The following LTA4H variants were observed in gnomAD, a reference collection of about 807,000 sequenced individuals.
LTA4H encodes the protein leukotriene A4 hydrolase.
LTA4H carries 59 observed loss-of-function variants against 89.8 expected under a neutral mutation model. That is an observed-to-expected ratio of 0.66 (90% CI 0.53 to 0.82). The LOEUF is 0.82. Ranked by LOEUF, LTA4H falls within the 40% of genes least tolerant of loss-of-function variation. The probability of loss-of-function intolerance (pLI) is 0.00; values close to 1 mark genes in which losing one functional copy is unlikely to be tolerated. For synonymous variants in LTA4H, 227 were observed against 253.1 expected (o/e 0.90, Z 0.98); for missense variants, 617 against 727.0 (o/e 0.85, Z 1.74).
At chr12:96,037,702 T>TC (rs1950660721), upstream of LTA4H, among the ~76,000 whole-genome samples, 1 of 150,212 alleles carries the variant, frequency 6.7e-6, no homozygotes, top group African/African-American at 2.4e-5. Context: ...CTTTTTTTTT[T>TC]TTTTTTTTTG....
At chr12:96,028,754 C>T (rs1950539696) in intron 2 of LTA4H, among the ~76,000 whole-genome samples, 1 of 152,108 alleles carries the variant, frequency 6.6e-6, no homozygotes, top group Non-Finnish European at 1.5e-5. Context: ...TCTTGAAATG[C>T]CTTCTTATGA....
intron 1 of LTA4H, 91 bp downstream of exon 1, chr12:96,035,270 G>A: frequency 5.1e-6 from 7 of 1,361,090 alleles, no homozygotes; most frequent in East Asian, 2.5e-5. Context: ...GCCGCGGCGG[G>A]GTGAGCCGGA....
chr12:96,003,186 C>A (rs1339566457), intron 17 of LTA4H, 122 bp from the exon 18 acceptor site: 1 of 604,238 alleles, frequency 1.7e-6, no homozygotes, highest in Non-Finnish European at 2.9e-6. Flanking sequence ...ATACTGTACA[C>A]CACTTTATGG....
intron 6 of LTA4H, 89 bp from the exon 7 acceptor site, chr12:96,019,329 C>T (rs992862961): frequency 4.2e-5 from 46 of 1,101,694 alleles, no homozygotes; most frequent in Non-Finnish European, 6.2e-5. Flanking sequence ...GTAGACAAAC[C>T]TTTACAGTGA....
intron 13 of LTA4H, among the ~76,000 whole-genome samples, chr12:96,013,538 C>T (rs1033495933): frequency 4.6e-5 from 7 of 152,124 alleles, no homozygotes; most frequent in Non-Finnish European, 5.9e-5. Flanking sequence ...TTATATTCAT[C>T]ACCATACTAT....
intron 1 of LTA4H, among the ~76,000 whole-genome samples, chr12:96,041,234 A>T (rs942979762): frequency 7.2e-5 from 11 of 152,260 alleles, no homozygotes; most frequent in Admixed American, 7.2e-4. Flanking sequence ...ATGAAAGATG[A>T]GTCTCATTTC....
At chr12:96,021,690 C>G (rs1270102482) in intron 5 of LTA4H, among the ~76,000 whole-genome samples, 1 of 152,048 alleles carries the variant, frequency 6.6e-6, no homozygotes, top group African/African-American at 2.4e-5. Context: ...CACACACACA[C>G]ACACACACAC....
At chr12:96,023,940 T>A (rs1331626560) in intron 4 of LTA4H, among the ~76,000 whole-genome samples, 2 of 152,040 alleles carry the variant, frequency 1.3e-5, no homozygotes, top group African/African-American at 4.8e-5. Context: ...TTTTTGGGTT[T>A]TTTTTTTGAG....
intron 16 of LTA4H, among the ~76,000 whole-genome samples, chr12:96,005,071 G>A (rs1275963358): frequency 6.6e-6 from 1 of 152,150 alleles, no homozygotes; most frequent in African/African-American, 2.4e-5. Context: ...TCCTTAGACT[G>A]AAGACTTCCC....
chr12:96,016,921 C>T, intron 10 of LTA4H, 123 bp downstream of exon 10: 6 of 708,572 alleles, frequency 8.5e-6, no homozygotes, highest in Non-Finnish European at 1.5e-5. Context: ...AAATCCTTGC[C>T]TACCTAAGAG....
rs549646116 is a variant in LTA4H, at chr12:96,024,782, C to T, written c.412-235G>A. On this transcript the variant is annotated intron_variant, in intron 3 of 18. Coordinates refer to ENST00000228740, the MANE Select transcript of LTA4H (RefSeq NM_000895.3). The stretch of plus-strand genomic sequence containing the variant: ...CTCCCGGGTTCAAGCAATTCTCCTG[C>T]CTCAACCTCCCGAGTAGCTGGGATT... Among the ~76,000 whole-genome samples the T allele has an allele frequency of 2.5e-3, 374 of 151,984 alleles. 1 individual carries two copies. The highest frequency in any genetic ancestry group is 4.4e-3 in the Non-Finnish European group (297 of 68,000).
intron 14 of LTA4H, chr12:96,012,725 G>A (rs2540496): frequency 0.33 from 51,096 of 154,646 alleles, 8,616 homozygotes; most frequent in South Asian, 0.34. Flanking sequence ...AAAAAAGAAG[G>A]AAGAAAGCAG....
chr12:96,023,322 T>TTA (rs3831819), intron 4 of LTA4H, among the ~76,000 whole-genome samples: 15,440 of 152,168 alleles, frequency 0.1, 1,030 homozygotes, highest in East Asian at 0.3. Context: ...TGGTGATACG[T>TTA]TATATATATG....
chr12:96,018,434 A>G (rs896591855), intron 8 of LTA4H, among the ~76,000 whole-genome samples: 1 of 152,136 alleles, frequency 6.6e-6, no homozygotes, highest in Non-Finnish European at 1.5e-5. Flanking sequence ...CTATAGTCCC[A>G]GCTACTCAAG....
intron 18 of LTA4H, among the ~76,000 whole-genome samples, chr12:96,002,021 C>T (rs1950113482): frequency 6.6e-6 from 1 of 152,082 alleles, no homozygotes; most frequent in Admixed American, 6.6e-5. Context: ...CCACACCTGG[C>T]TAATTTTTTG....
Position 96,000,913 on chromosome 12 carries a change from T to C in LTA4H, c.*76A>G. ...AAAACTAAAAAGACAGTTTTAATTG[T>C]GAGCTGAAGTTTTATATTTCTTTAC... On this transcript the variant is annotated 3_prime_UTR_variant, in exon 19 of 19. Transcript: ENST00000228740. 1 of 1,046,968 alleles carries C rather than the reference T, an allele frequency of 9.6e-7. No homozygotes were observed. Among genetic ancestry groups the C allele is most frequent in the Non-Finnish European group, 1.5e-6 (1 of 678,124 alleles). The allele number at this position is 1,046,968 out of a possible 1,614,324, so 64.9% of individuals were successfully genotyped here. A position where few individuals can be genotyped will look rare whatever the true frequency, so the allele number is the denominator to read the frequency against.
chr12:96,022,212 T>C lies in LTA4H; in HGVS notation c.520A>G (p.Ile174Val), dbSNP rs762895575. The change falls in exon 5 of 19, where the codon ATT (isoleucine) becomes GTT (valine). Residue 174 changes from isoleucine to valine, a missense_variant. This residue lies in a region of LTA4H where 172 missense variants were observed against 244.5 expected (regional missense o/e 0.70). Transcript: ENST00000228740. This position sits in a 1 kb window ranked among gnomAD's most constrained non-coding sequence, Gnocchi z 4.0. ...GGGTCAGGTGTTTCTCCATCACGAA[T>C]AGCACTCATAAGTGCCACCAGTTCT... ...PKELVALMSA[I>V]RDGETPDPED... 12 of 1,613,904 alleles carry C rather than the reference T, an allele frequency of 7.4e-6. No homozygotes were observed. The highest frequency in any genetic ancestry group is 1.7e-4 in the Middle Eastern group (1 of 6,060).
intron 1 of LTA4H, among the ~76,000 whole-genome samples, chr12:96,031,325 A>T (rs1950569010): frequency 6.6e-6 from 1 of 152,220 alleles, no homozygotes; most frequent in Non-Finnish European, 1.5e-5. Context: ...AGACCAAGAG[A>T]AAACAAAAAA....
At chr12:96,030,416 C>T (rs537702277) in intron 1 of LTA4H, among the ~76,000 whole-genome samples, 1 of 152,270 alleles carries the variant, frequency 6.6e-6, no homozygotes, top group South Asian at 2.1e-4. Flanking sequence ...TCAGTCGAAT[C>T]GCCTGCTCAA....
Sources: gnomAD v4.1 joint callset for allele counts (sites outside exome capture counted in the v4.1 genomes callset) on GRCh38, gnomAD v4.1.1 for gene constraint, gnomAD v4.1.1 regional missense constraint, Gnocchi (gnomAD v3.1) non-coding constraint, MANE v1.5 for transcripts, NCBI Gene and HGNC (gene_info 2026-07-23, HGNC 2026-07-21) for gene names.